The following SYN3 variants were observed in gnomAD, a reference collection of about 807,000 sequenced individuals.
SYN3 encodes synapsin-3.
Under a neutral mutation model 65.8 loss-of-function variants are expected in SYN3, and 35 were observed. The ratio of observed to expected loss-of-function variants is 0.53; its 90% CI spans 0.41 to 0.70. The LOEUF (loss-of-function observed/expected upper bound fraction) is 0.70. Among genes scored for constraint, SYN3 ranks in the 30% least tolerant of loss-of-function variants. The probability of loss-of-function intolerance (pLI) is 0.00; values close to 1 mark genes in which losing one functional copy is unlikely to be tolerated. For synonymous variants in SYN3, 270 were observed against 292.9 expected, an observed-to-expected ratio of 0.92 and a Z score of 0.80; for missense variants, 680 against 749.0, an observed-to-expected ratio of 0.91 and a Z score of 1.08.
chr22:32,681,495 A>G (rs1490596867), intron 6 of SYN3, among the ~76,000 whole-genome samples: 1 of 152,208 alleles, frequency 6.6e-6, no homozygotes, highest in Non-Finnish European at 1.5e-5. Context: ...GAACACACAT[A>G]TGATCCCATT....
intron 6 of SYN3, among the ~76,000 whole-genome samples, chr22:32,680,144 T>C (rs1404432803): frequency 2.0e-5 from 3 of 152,166 alleles, no homozygotes; most frequent in Admixed American, 2.0e-4. Flanking sequence ...AAAGTCCTTC[T>C]TTATTTACTT....
chr22:32,996,026 A>T (rs1223352550), intron 2 of SYN3, among the ~76,000 whole-genome samples: 1 of 152,096 alleles, frequency 6.6e-6, no homozygotes, highest in East Asian at 1.9e-4. Flanking sequence ...AAGCCTTGGA[A>T]ATAACATGCA....
At position 32,801,955 on chromosome 22, in the gene SYN3, C is replaced by T. The variant is rs773640534; in HGVS notation, c.711+62960G>A. 6.4e-7 allele frequency: 1 copy of T among 1,564,752 alleles called. No individual in the cohort carries two copies. The highest frequency in any genetic ancestry group is 1.2e-5 in the South Asian group (1 of 85,858). On this transcript the variant is annotated intron_variant, in intron 6 of 13. Transcript: ENST00000358763. The surrounding 1 kb of genome is among the most constrained non-coding windows in gnomAD (Gnocchi z 4.7). Reference sequence around the variant, plus strand: ...GCCCCGCCGGCGGCGCGCACGGCAACTTTGGAGAGGCGAGCAGCAGCCCCG... The same window carrying T: ...GCCCCGCCGGCGGCGCGCACGGCAATTTTGGAGAGGCGAGCAGCAGCCCCG...
intron 6 of SYN3, among the ~76,000 whole-genome samples, chr22:32,752,085 T>C (rs958803073): frequency 3.9e-5 from 6 of 152,314 alleles, no homozygotes; most frequent in Admixed American, 6.5e-5. Flanking sequence ...GAACAGTGCC[T>C]GAAATATAGT....
chr22:32,542,963 G>A (rs1420233247), intron 7 of SYN3, among the ~76,000 whole-genome samples: 2 of 152,060 alleles, frequency 1.3e-5, no homozygotes, highest in African/African-American at 4.8e-5. Context: ...CCCTCACCCC[G>A]ACAGCAGAGG....
chr22:32,981,870 T>C (rs1043497711), intron 2 of SYN3, among the ~76,000 whole-genome samples: 1 of 152,176 alleles, frequency 6.6e-6, no homozygotes, highest in African/African-American at 2.4e-5. Flanking sequence ...TTCACATATA[T>C]GTTAATCCTG....
chr22:32,734,408 C>T (rs547783447), intron 6 of SYN3, among the ~76,000 whole-genome samples: 1 of 152,314 alleles, frequency 6.6e-6, no homozygotes, highest in Non-Finnish European at 1.5e-5. Context: ...AGCCTTCACG[C>T]ATGTGACCCG....
rs1392812240 is a variant in SYN3 at position 32,508,424 on chromosome 22, C to G, written c.*5268G>C. 6.6e-6 allele frequency among the ~76,000 whole-genome samples: 1 copy of G among 152,158 alleles called. No homozygotes were observed. The highest frequency in any genetic ancestry group is 1.5e-5 in the Non-Finnish European group (1 of 68,044). On this transcript the variant is annotated 3_prime_UTR_variant, in exon 14 of 14. Transcript: ENST00000358763. ...TGACTCTCTTTTCGGACTCATCCGG[C>G]CTGCACCCAGGTGAAATAAACAGCC...
chr22:32,712,834 C>T (rs749173584), intron 6 of SYN3, among the ~76,000 whole-genome samples: 2 of 152,278 alleles, frequency 1.3e-5, no homozygotes, highest in African/African-American at 2.4e-5. Context: ...CTGGAATGTG[C>T]GAATCCCTGT....
At position 32,508,158 on chromosome 22, in the gene SYN3, A is replaced by C. The variant is rs1280764163; in HGVS notation, c.*5534T>G. Reference sequence around the variant, plus strand: ...GATGGCCTGAAGTAACTGAAGAATCACAAAAGAAGTGAAAAGGCCCTGCCC... The same window carrying C: ...GATGGCCTGAAGTAACTGAAGAATCCCAAAAGAAGTGAAAAGGCCCTGCCC... On this transcript the variant is annotated 3_prime_UTR_variant, in exon 14 of 14. Transcript: ENST00000358763. 6.6e-6 allele frequency among the ~76,000 whole-genome samples: 1 copy of C among 152,182 alleles called. No individual in the cohort carries two copies. The highest frequency in any genetic ancestry group is 1.5e-5 in the Non-Finnish European group (1 of 68,028).
chr22:32,545,900 T>C (rs1377062036), intron 7 of SYN3, among the ~76,000 whole-genome samples: 1 of 152,074 alleles, frequency 6.6e-6, no homozygotes, highest in Non-Finnish European at 1.5e-5. Context: ...CCTGGCCAAA[T>C]GTTCCTTTTT....
At chr22:32,917,535 C>T (rs1044461500) in intron 4 of SYN3, among the ~76,000 whole-genome samples, 1 of 152,168 alleles carries the variant, frequency 6.6e-6, no homozygotes, top group Admixed American at 6.5e-5. Flanking sequence ...GGCAATTTCT[C>T]CCACAGTGGC....
At chr22:32,946,088 T>C (rs1230174106) in intron 3 of SYN3, among the ~76,000 whole-genome samples, 2 of 152,246 alleles carry the variant, frequency 1.3e-5, no homozygotes, top group African/African-American at 4.8e-5. Context: ...TTTTACATTG[T>C]TGGTGGGACT....
chr22:32,853,736 T>C (rs899361871), intron 6 of SYN3, among the ~76,000 whole-genome samples: 2 of 152,214 alleles, frequency 1.3e-5, no homozygotes, highest in African/African-American at 4.8e-5. Flanking sequence ...CCTTACGAAT[T>C]TCAGTATAAC....
intron 6 of SYN3, among the ~76,000 whole-genome samples, chr22:32,730,350 C>T (rs2061254102): frequency 6.6e-6 from 1 of 152,198 alleles, no homozygotes; most frequent in African/African-American, 2.4e-5. Context: ...ACTGAGCAGC[C>T]ACCTGGGTAA....
intron 7 of SYN3, among the ~76,000 whole-genome samples, chr22:32,564,185 T>G (rs372472602): frequency 2.0e-5 from 3 of 152,124 alleles, no homozygotes; most frequent in Non-Finnish European, 4.4e-5. Context: ...GACTCAATCA[T>G]GGAGTGGCTG....
intron 10 of SYN3, among the ~76,000 whole-genome samples, chr22:32,530,395 G>C (rs189343583): frequency 6.6e-6 from 1 of 152,242 alleles, no homozygotes; most frequent in Non-Finnish European, 1.5e-5. Flanking sequence ...CAAAGAAGTG[G>C]CAAGGTCAAG....
intron 6 of SYN3, among the ~76,000 whole-genome samples, chr22:32,815,826 C>A (rs919921277): frequency 6.6e-6 from 1 of 152,142 alleles, no homozygotes; most frequent in Non-Finnish European, 1.5e-5. Context: ...TCCGAGCAAT[C>A]TCACCAATTC....
At chr22:32,626,273 C>A (rs570374811) in intron 6 of SYN3, among the ~76,000 whole-genome samples, 2 of 152,098 alleles carry the variant, frequency 1.3e-5, no homozygotes, top group African/African-American at 4.8e-5. Flanking sequence ...GGGACACACA[C>A]GCATCTCTCT....
Sources: allele counts gnomAD v4.1 joint callset (sites outside exome capture counted in the v4.1 genomes callset), GRCh38; gene constraint gnomAD v4.1.1; non-coding constraint Gnocchi (gnomAD v3.1); transcripts MANE v1.5; gene names NCBI Gene and HGNC (gene_info 2026-07-23, HGNC 2026-07-21).